Variants in MYLK observed in about 807,000 individuals in gnomAD.
MYLK encodes the protein myosin light chain kinase, smooth muscle.
Under a neutral mutation model 203.4 loss-of-function variants are expected in MYLK, and 106 were observed. The observed-to-expected ratio is 0.52, with a 90% CI of 0.45 to 0.61. The LOEUF is 0.61. MYLK is among the 20% of genes least tolerant of loss of function. The probability of loss-of-function intolerance (pLI) is 0.00; values close to 1 mark genes in which losing one functional copy is unlikely to be tolerated. For synonymous variants in MYLK, 867 were observed against 959.5 expected, an observed-to-expected ratio of 0.90 and a Z score of 1.78; for missense variants, 2,072 against 2,442.3, an observed-to-expected ratio of 0.85 and a Z score of 3.20.
intron 13 of MYLK, among the ~76,000 whole-genome samples, chr3:123,721,325 G>A (rs1343403089): frequency 3.9e-5 from 6 of 152,026 alleles, no homozygotes; most frequent in Non-Finnish European, 7.3e-5. Context: ...ACCCAGTCAT[G>A]CACAGGAGCC....
intron 23 of MYLK, among the ~76,000 whole-genome samples, chr3:123,658,705 T>A (rs919875752): frequency 1.3e-5 from 2 of 152,188 alleles, no homozygotes; most frequent in African/African-American, 4.8e-5. Flanking sequence ...CAAACATAGA[T>A]AAAGTACTTG....
At chr3:123,655,493 T>C (rs917256938) in intron 24 of MYLK, among the ~76,000 whole-genome samples, 7 of 152,262 alleles carry the variant, frequency 4.6e-5, no homozygotes, top group African/African-American at 1.7e-4. Context: ...TCCTGGGCTC[T>C]AGACCCAACA....
chr3:123,737,822 C>T (rs550714819), intron 7 of MYLK, among the ~76,000 whole-genome samples: 30 of 152,288 alleles, frequency 2.0e-4, no homozygotes, highest in African/African-American at 7.0e-4. Flanking sequence ...TCCCATATTC[C>T]TCACTTCAGT....
Position 123,638,669 on chromosome 3 carries a change from G to A in MYLK, c.4838-475C>T, listed in dbSNP as rs543576236. On this transcript the variant is annotated intron_variant, in intron 28 of 33. Transcript: ENST00000360304. ...GGGAAGTGCAGTGATTTCCCCACCC[G>A]GTTAACAAGTGGTGGTCGGGACTCA... 2.3e-5 allele frequency: 18 copies of A among 771,896 alleles called. No individual in the cohort carries two copies. The East Asian group carries it at 9.0e-4, about 38-fold the overall frequency. The allele number at this position is 771,896 out of a possible 1,614,324, so 47.8% of individuals were successfully genotyped here. A position where few individuals can be genotyped will look rare whatever the true frequency, so the allele number is the denominator to read the frequency against.
chr3:123,762,790 G>A (rs1308850484), intron 4 of MYLK, among the ~76,000 whole-genome samples: 1 of 152,192 alleles, frequency 6.6e-6, no homozygotes, highest in Non-Finnish European at 1.5e-5. Context: ...GGAGGATGCA[G>A]CAACAAGGTG....
chr3:123,613,908 A>T lies in MYLK; in HGVS notation c.*197T>A, dbSNP rs116218482. ...AGCTGCACTAGTATCTTAAGGTGCC[A>T]ACTAACATAGATTAATGCCCATCAA... On this transcript the variant is annotated 3_prime_UTR_variant, in exon 34 of 34. Transcript: ENST00000360304. 2.9e-3 allele frequency: 1,835 copies of T among 632,512 alleles called. 25 individuals are homozygous for T. The African/African-American group carries it at 0.03, about 10-fold the overall frequency. The allele number at this position is 632,512 out of a possible 1,614,324, so 39.2% of individuals were successfully genotyped here.
chr3:123,711,680 A>C (rs750825310), intron 13 of MYLK, among the ~76,000 whole-genome samples: 2 of 152,270 alleles, frequency 1.3e-5, no homozygotes, highest in Non-Finnish European at 2.9e-5. Context: ...ATGCCATTTT[A>C]GCAATTTTTG....
intron 3 of MYLK, among the ~76,000 whole-genome samples, chr3:123,828,245 C>A (rs951980560): frequency 6.6e-6 from 1 of 152,016 alleles, no homozygotes; most frequent in African/African-American, 2.4e-5. Context: ...ATGGTATTAG[C>A]ATAAAAACAG....
chr3:123,779,799 T>C (rs2064224054), intron 4 of MYLK, among the ~76,000 whole-genome samples: 1 of 152,170 alleles, frequency 6.6e-6, no homozygotes, highest in Non-Finnish European at 1.5e-5. Context: ...CAGGGATTAA[T>C]TTGAAGGAGA....
intron 4 of MYLK, among the ~76,000 whole-genome samples, chr3:123,792,271 C>T (rs1482917960): frequency 6.6e-6 from 1 of 152,186 alleles, no homozygotes; most frequent in East Asian, 1.9e-4. Context: ...CAGTTAAGAT[C>T]CATTTTGCTG....
intron 33 of MYLK, among the ~76,000 whole-genome samples, chr3:123,614,829 C>T (rs968412235): frequency 1.3e-5 from 2 of 151,216 alleles, no homozygotes; most frequent in African/African-American, 2.4e-5. Flanking sequence ...GGTAGGGGGG[C>T]AGGGTCTCAT....
intron 2 of MYLK, among the ~76,000 whole-genome samples, chr3:123,869,838 T>C (rs1284425923): frequency 1.3e-5 from 2 of 152,182 alleles, no homozygotes; most frequent in African/African-American, 4.8e-5. Context: ...GAAACCCAGG[T>C]CTGTTAGCTC....
chr3:123,815,607 C>T (rs1410699933), intron 3 of MYLK, among the ~76,000 whole-genome samples: 1 of 152,124 alleles, frequency 6.6e-6, no homozygotes, highest in Admixed American at 6.5e-5. Flanking sequence ...GCCCTCCCCA[C>T]CCAGCAGGAT....
chr3:123,618,786 G>T lies in MYLK; in HGVS notation c.5369-16C>A. 1 of 1,613,928 alleles carries T rather than the reference G, an allele frequency of 6.2e-7. No individual in the cohort carries two copies. The highest frequency in any genetic ancestry group is 8.5e-7 in the Non-Finnish European group (1 of 1,179,906). ...GACACATCTTCTAGAAGACAGAGAA[G>T]AAGACCAGGTCATTTCTTCACTCGT... On this transcript the variant is annotated splice_polypyrimidine_tract_variant and intron_variant, in intron 32 of 33. Coordinates refer to ENST00000360304, the MANE Select transcript of MYLK (RefSeq NM_053025.4).
At chr3:123,733,619 T>C in intron 10 of MYLK, 68 bp downstream of exon 10, 1 of 1,586,806 alleles carries the variant, frequency 6.3e-7, no homozygotes, top group African/African-American at 1.3e-5. Context: ...AGCTGGGTGC[T>C]GAAGGAAGGG....
At chr3:123,672,239 G>A (rs186957125) in intron 20 of MYLK, among the ~76,000 whole-genome samples, 10 of 151,912 alleles carry the variant, frequency 6.6e-5, no homozygotes, top group Admixed American at 3.9e-4. Flanking sequence ...AGAAAGGAGC[G>A]AGAGAGAAAG....
intron 4 of MYLK, among the ~76,000 whole-genome samples, chr3:123,769,280 A>G (rs2063799991): frequency 6.6e-6 from 1 of 152,236 alleles, no homozygotes; most frequent in South Asian, 2.1e-4. Context: ...CTGGAACTCC[A>G]AGCATATTTG....
intron 3 of MYLK, among the ~76,000 whole-genome samples, chr3:123,815,958 T>G (rs1285461669): frequency 6.6e-6 from 1 of 152,238 alleles, no homozygotes; most frequent in Non-Finnish European, 1.5e-5. Context: ...AAGCTTCCCC[T>G]GCTCAGCCCA....
At chr3:123,647,118 T>G (rs931985931) in intron 27 of MYLK, 106 bp downstream of exon 27, 2 of 1,004,578 alleles carry the variant, frequency 2.0e-6, no homozygotes, top group Non-Finnish European at 3.1e-6. Context: ...CACTCCTGTC[T>G]GCAGTGCTTT....
Sources: allele counts gnomAD v4.1 joint callset (sites outside exome capture counted in the v4.1 genomes callset), GRCh38; gene constraint gnomAD v4.1.1; transcripts MANE v1.5; gene names NCBI Gene and HGNC (gene_info 2026-07-23, HGNC 2026-07-21).